Variants in NARS2 observed in about 807,000 individuals in gnomAD.
NARS2 encodes the protein asparaginyl-tRNA synthetase.
A neutral mutation model predicts 62.9 loss-of-function variants in NARS2; 60 were observed. The ratio of observed to expected loss-of-function variants is 0.95; its 90% CI spans 0.77 to 1.18. The LOEUF is 1.18. NARS2 is among the 50% of genes most tolerant of loss of function. The pLI is 0.00. For synonymous variants in NARS2, 196 were observed against 200.0 expected (o/e 0.98, Z 0.17); for missense variants, 619 against 576.4 (o/e 1.07, Z -0.76).
At chr11:78,448,427 A>T (rs993558825) in intron 11 of NARS2, among the ~76,000 whole-genome samples, 3 of 150,474 alleles carry the variant, frequency 2.0e-5, no homozygotes, top group African/African-American at 7.4e-5. Flanking sequence ...AGTAGCTGGG[A>T]TTACAGGCAC....
intron 5 of NARS2, among the ~76,000 whole-genome samples, chr11:78,552,023 G>C (rs1856138415): frequency 6.6e-6 from 1 of 152,032 alleles, no homozygotes; most frequent in Non-Finnish European, 1.5e-5. Flanking sequence ...TTTTAGGTTT[G>C]GGGATACATG....
intron 11 of NARS2, among the ~76,000 whole-genome samples, chr11:78,459,072 G>T (rs1173309773): frequency 1.3e-5 from 2 of 151,874 alleles, no homozygotes; most frequent in Non-Finnish European, 2.9e-5. Context: ...CTGCCACCAT[G>T]CCTGGCTACT....
intron 2 of NARS2, among the ~76,000 whole-genome samples, chr11:78,570,505 A>G (rs191578765): frequency 3.3e-5 from 5 of 152,282 alleles, no homozygotes; most frequent in Admixed American, 6.5e-5. Flanking sequence ...CTCTAGCCTC[A>G]ACCGCCCGAG....
chr11:78,566,058 G>GA, intron 4 of NARS2, 74 bp downstream of exon 4: 5 of 1,266,908 alleles, frequency 3.9e-6, no homozygotes, highest in Non-Finnish European at 5.4e-6. Flanking sequence ...AACATCAGGA[G>GA]AAAAAGACAC....
At chr11:78,568,495 G>A (rs1856813409) in intron 3 of NARS2, 137 bp downstream of exon 3, 2 of 1,076,104 alleles carry the variant, frequency 1.9e-6, no homozygotes, top group African/African-American at 3.2e-5. Context: ...TGCCTCTACA[G>A]GTCATATGGC....
intron 5 of NARS2, chr11:78,558,277 G>A (rs1002666480): frequency 4.6e-5 from 7 of 152,090 alleles, no homozygotes; most frequent in African/African-American, 9.7e-5. Context: ...GCTGATCAAC[G>A]TCAAGAATTC....
chr11:78,478,729 A>G (rs1303841954), intron 7 of NARS2, 46 bp from the exon 8 acceptor site: 1 of 1,261,842 alleles, frequency 7.9e-7, no homozygotes. Context: ...GCAATTTTAC[A>G]TGAAAAACCT....
At chr11:78,532,733 C>T (rs764075134) in intron 5 of NARS2, among the ~76,000 whole-genome samples, 2 of 152,122 alleles carry the variant, frequency 1.3e-5, no homozygotes, top group Non-Finnish European at 2.9e-5. Context: ...AACATCCTTC[C>T]TTTTTCATGT....
At position 78,566,141 on chromosome 11, in the gene NARS2, A is replaced by T. The variant is rs767756171; in HGVS notation, c.504T>A (p.Ser168=). 1.9e-5 allele frequency: 31 copies of T among 1,606,490 alleles called. No individual in the cohort carries two copies. The South Asian group carries it at 3.5e-4, about 18-fold the overall frequency. ...ACTTTTAGGATCTTACCTTAAAGAA[A>T]GAATGAATAGCAGCTGTCGCTTCAC... The part of the protein sequence containing the change: ...IRSEATAAIH[S]FFKDSGFVHI... Residue 168 remains serine (S), a synonymous_variant, in exon 4 of 14, where the codon TCT becomes TCA. Transcript: ENST00000281038.
At chr11:78,459,870 G>A (rs991119765) in intron 11 of NARS2, among the ~76,000 whole-genome samples, 2 of 152,228 alleles carry the variant, frequency 1.3e-5, no homozygotes, top group African/African-American at 4.8e-5. Flanking sequence ...TGGATTAAGA[G>A]TTAGTATCTC....
chr11:78,477,875 A>ACAATTACGTGAGCCAATTCTT (rs1859168694), intron 9 of NARS2, among the ~76,000 whole-genome samples: 1 of 152,270 alleles, frequency 6.6e-6, no homozygotes, highest in East Asian at 1.9e-4. Context: ...ACAAGCATCT[A>ACAATTACGTGAGCCAATTCTT]CAATTACGTG....
At chr11:78,540,905 TC>T (rs1246220111) in intron 5 of NARS2, among the ~76,000 whole-genome samples, 5 of 152,032 alleles carry the variant, frequency 3.3e-5, no homozygotes, top group African/African-American at 9.7e-5. Flanking sequence ...ACGCCTGTAA[TC>T]CCAGCACTTT....
intron 6 of NARS2, among the ~76,000 whole-genome samples, chr11:78,522,312 G>A (rs958431513): frequency 6.6e-6 from 1 of 152,028 alleles, no homozygotes; most frequent in African/African-American, 2.4e-5. Context: ...TGAAATCTCA[G>A]ACAAAGAGCT....
chr11:78,461,783 C>CAAAAAAAAAAAAA (rs56753439), intron 11 of NARS2, among the ~76,000 whole-genome samples: 1 of 93,108 alleles, frequency 1.1e-5, no homozygotes, highest in African/African-American at 3.5e-5. Flanking sequence ...GTACCCACTA[C>CAAAAAAAAAAAAA]AAAAAAAAAA....
Position 78,571,468 on chromosome 11 carries a change from T to C in NARS2, c.142-24A>G, listed in dbSNP as rs184450263. ...CCCTAAGGAAGAGAAATATTTCCAATGTGAGCGTAAAACATTTTACGTTTT... is the reference window on the plus strand; with the variant it reads ...CCCTAAGGAAGAGAAATATTTCCAACGTGAGCGTAAAACATTTTACGTTTT... On this transcript the variant is annotated intron_variant, in intron 1 of 13. Transcript: ENST00000281038. The C allele has an allele frequency of 9.6e-5, 148 of 1,539,410 alleles. No individual in the cohort carries two copies. The African/African-American group carries it at 1.6e-3, about 17-fold the overall frequency.
intron 13 of NARS2, among the ~76,000 whole-genome samples, chr11:78,437,564 C>CA (rs1267345484): frequency 1.3e-5 from 2 of 152,076 alleles, no homozygotes; most frequent in Non-Finnish European, 2.9e-5. Context: ...GACTGAAACT[C>CA]AGATTCTAAC....
intron 11 of NARS2, among the ~76,000 whole-genome samples, chr11:78,463,738 C>A (rs375633768): frequency 0.023 from 929 of 40,848 alleles, 13 homozygotes; most frequent in African/African-American, 0.057. Flanking sequence ...AAAAAAAAAA[C>A]CACAGGACAA....
chr11:78,461,328 A>C (rs991321167), intron 11 of NARS2, among the ~76,000 whole-genome samples: 1 of 152,166 alleles, frequency 6.6e-6, no homozygotes, highest in African/African-American at 2.4e-5. Flanking sequence ...AAATCTGTAC[A>C]GGAGACTAAG....
intron 6 of NARS2, among the ~76,000 whole-genome samples, chr11:78,523,303 T>TA (rs58866684): frequency 0.13 from 20,132 of 152,050 alleles, 4,368 homozygotes; most frequent in African/African-American, 0.45. Flanking sequence ...ACAGCTACAA[T>TA]AAAAAGACAA....
Sources: gnomAD v4.1 joint callset for allele counts (sites outside exome capture counted in the v4.1 genomes callset) on GRCh38, gnomAD v4.1.1 for gene constraint, MANE v1.5 for transcripts, NCBI Gene and HGNC (gene_info 2026-07-23, HGNC 2026-07-21) for gene names.